Variants in ITCH observed in about 807,000 individuals in gnomAD.
The protein encoded by ITCH is itchy E3 ubiquitin protein ligase.
A neutral mutation model predicts 126.8 loss-of-function variants in ITCH; 28 were observed. That is an observed-to-expected ratio of 0.22 (90% CI 0.16 to 0.30). The LOEUF is 0.30. ITCH is among the 10% of genes least tolerant of loss of function. The probability of loss-of-function intolerance (pLI) is 1.00; values close to 1 mark genes in which losing one functional copy is unlikely to be tolerated. For synonymous variants in ITCH, 342 were observed against 340.0 expected (o/e 1.01, Z -0.06); for missense variants, 631 against 1,032.4 (o/e 0.61, Z 5.33).
At chr20:34,482,561 A>G (rs1480455030) in intron 20 of ITCH, among the ~76,000 whole-genome samples, 1 of 152,220 alleles carries the variant, frequency 6.6e-6, no homozygotes, top group Non-Finnish European at 1.5e-5. Flanking sequence ...CTCATATGCA[A>G]GTCACCCTGA....
intron 24 of ITCH, among the ~76,000 whole-genome samples, chr20:34,507,263 G>GTTTTTTTTTTTTTTTTTTT (rs776161631): frequency 2.8e-4 from 11 of 39,148 alleles, no homozygotes; most frequent in African/African-American, 4.3e-4. Flanking sequence ...GTTTTCTTCT[G>GTTTTTTTTTTTTTTTTTTT]TTTTTTTTTT....
Position 34,452,369 on chromosome 20 carries a change from G to T in ITCH, c.1210+2889G>T, listed in dbSNP as rs185989538. 2.0e-5 allele frequency among the ~76,000 whole-genome samples: 3 copies of T among 152,264 alleles called. No homozygotes were observed. The East Asian group carries it at 5.8e-4, about 29-fold the overall frequency. ...GATCCAGCTTAGCCAGGTTATTAGA[G>T]TCTTGTTCTGCTATTTTACAGTCTG... On this transcript the variant is annotated intron_variant, in intron 12 of 24. Transcript: ENST00000374864.
intron 7 of ITCH, among the ~76,000 whole-genome samples, chr20:34,427,488 T>C (rs943421146): frequency 6.6e-6 from 1 of 152,018 alleles, no homozygotes; most frequent in African/African-American, 2.4e-5. Context: ...GGCACGTGCC[T>C]GTAGTCCCAG....
intron 14 of ITCH, among the ~76,000 whole-genome samples, chr20:34,463,019 G>GT (rs545647630): frequency 3.0e-4 from 45 of 152,172 alleles, no homozygotes; most frequent in African/African-American, 9.9e-4. Context: ...CATTGTTTCT[G>GT]TTTTTTGGGG....
chr20:34,493,660 AGAGTATGCATC>A (rs1989666750), intron 23 of ITCH, among the ~76,000 whole-genome samples: 1 of 152,212 alleles, frequency 6.6e-6, no homozygotes, highest in Admixed American at 6.5e-5. Context: ...GGAAGTATAA[AGAGTATGCATC>A]GTTGTAGATG....
In ITCH at chr20:34,412,494, TC is replaced by T; in HGVS notation, c.213-18del. The T allele has an allele frequency of 6.5e-7, 1 of 1,541,876 alleles. No homozygotes were observed. Among genetic ancestry groups the T allele is most frequent in the Non-Finnish European group, 9.0e-7 (1 of 1,115,290 alleles). The stretch of plus-strand genomic sequence containing the variant: ...GATATTCAATAAAAATAATATTTTT[TC>T]CCTCTTTTTTCACTTTTAGTATCGT... On this transcript the variant is annotated intron_variant, in intron 4 of 24. Transcript: ENST00000374864.
chr20:34,507,060 C>T (rs962865212), intron 24 of ITCH, among the ~76,000 whole-genome samples: 6 of 152,092 alleles, frequency 3.9e-5, no homozygotes, highest in Admixed American at 3.9e-4. Context: ...TATATCTGTC[C>T]ATGGCCCTGC....
chr20:34,378,497 TG>T (rs140049175), intron 2 of ITCH, among the ~76,000 whole-genome samples: 6 of 100,424 alleles, frequency 6.0e-5, no homozygotes, highest in South Asian at 3.2e-4. Context: ...AAAAAAAAGA[TG>T]TAAAAAAAAA....
At chr20:34,422,571 A>G in intron 6 of ITCH, among the ~76,000 whole-genome samples, 1 of 150,672 alleles carries the variant, frequency 6.6e-6, no homozygotes, top group South Asian at 2.1e-4. Context: ...TCATTGTACC[A>G]TTTTTTTTTT....
At chr20:34,475,748 A>G (rs1276030798) in intron 16 of ITCH, among the ~76,000 whole-genome samples, 1 of 152,126 alleles carries the variant, frequency 6.6e-6, no homozygotes, top group Non-Finnish European at 1.5e-5. Flanking sequence ...AGGCAGAGGC[A>G]GAGGCAGAGC....
At chr20:34,473,307 A>T (rs1395146556) in intron 16 of ITCH, among the ~76,000 whole-genome samples, 1 of 151,838 alleles carries the variant, frequency 6.6e-6, no homozygotes, top group Non-Finnish European at 1.5e-5. Flanking sequence ...GTTAAAAGGA[A>T]TTTTTTTTTA....
chr20:34,396,464 T>C (rs967473713), intron 3 of ITCH, among the ~76,000 whole-genome samples: 1 of 152,102 alleles, frequency 6.6e-6, no homozygotes, highest in East Asian at 1.9e-4. Context: ...GAAGTAGTAT[T>C]TTACTCTGTG....
At chr20:34,498,911 G>T (rs1990057434) in intron 23 of ITCH, among the ~76,000 whole-genome samples, 1 of 150,926 alleles carries the variant, frequency 6.6e-6, no homozygotes, top group South Asian at 2.1e-4. Context: ...ATTGGTATTA[G>T]TTCTTCTTTA....
intron 3 of ITCH, among the ~76,000 whole-genome samples, chr20:34,401,985 A>G (rs2038903332): frequency 6.6e-6 from 1 of 152,196 alleles, no homozygotes; most frequent in Admixed American, 6.5e-5. Context: ...GGGGCGGCGC[A>G]TAGCTATGGG....
chr20:34,481,110 T>C lies in ITCH; in HGVS notation c.1997T>C (p.Val666Ala), dbSNP rs1988705421. 6.2e-7 allele frequency: 1 copy of C among 1,613,572 alleles called. No individual in the cohort carries two copies. The highest frequency in any genetic ancestry group is 1.3e-5 in the African/African-American group (1 of 75,050). ...EECDLEMYFS[V>A]DKEILGEIKS... ...TGTGATTTGGAAATGTACTTCTCCG[T>C]TGACAAAGAAATTCTAGGTGAAATT... The change falls in exon 20 of 25, where the codon GTT becomes GCT. Residue 666 changes from valine to alanine, a missense_variant. Val to Ala is a moderately conservative substitution (Grantham distance 64, BLOSUM62 0). This residue lies in a region of ITCH where 390 missense variants were observed against 731.6 expected (regional missense o/e 0.53). Coordinates refer to ENST00000374864, the MANE Select transcript of ITCH (RefSeq NM_031483.7).
Position 34,449,463 on chromosome 20 carries a change from C to T in ITCH, c.1193C>T (p.Pro398Leu), listed in dbSNP as rs146021135. The change falls in exon 12 of 25, where the codon CCA becomes CTA. Residue 398 changes from proline (P) to leucine (L), a missense_variant. Pro to Leu is a moderately conservative substitution (Grantham distance 98, BLOSUM62 -3). Transcript: ENST00000374864. ...SQSKEFDPLG[P>L]LPPGWEKRTD... is the part of the protein sequence containing the mutation. ...AGTAAAGAATTTGATCCTCTTGGTC[C>T]ATTGCCACCTGGATGGGGTAAGTCA... is the stretch of plus-strand genomic sequence containing the variant. The T allele has an allele frequency of 6.2e-7, 1 of 1,609,616 alleles. No homozygotes were observed. Among genetic ancestry groups the T allele is most frequent in the East Asian group, 2.2e-5 (1 of 44,816 alleles).
chr20:34,400,088 G>A (rs1307326209), intron 3 of ITCH, among the ~76,000 whole-genome samples: 1 of 151,882 alleles, frequency 6.6e-6, no homozygotes, highest in African/African-American at 2.4e-5. Context: ...ACAGACATGC[G>A]CCACCAAGCC....
chr20:34,464,803 T>C (rs1172289888), intron 14 of ITCH, among the ~76,000 whole-genome samples: 1 of 151,966 alleles, frequency 6.6e-6, no homozygotes, highest in Non-Finnish European at 1.5e-5. Context: ...CTCTACCGCC[T>C]GGGTTGAAGC....
intron 6 of ITCH, among the ~76,000 whole-genome samples, chr20:34,421,047 T>A (rs186597626): frequency 4.9e-3 from 747 of 152,300 alleles, no homozygotes; most frequent in Non-Finnish European, 8.6e-3. Context: ...GGATTGAAAA[T>A]GGCCCTCTGG....
Sources: gnomAD v4.1 joint callset for allele counts (sites outside exome capture counted in the v4.1 genomes callset) on GRCh38, gnomAD v4.1.1 for gene constraint, gnomAD v4.1.1 regional missense constraint, MANE v1.5 for transcripts, NCBI Gene and HGNC (gene_info 2026-07-23, HGNC 2026-07-21) for gene names.